Variants in MAML3 observed in about 807,000 individuals in gnomAD.
The protein encoded by MAML3 is mastermind-like protein 3.
A neutral mutation model predicts 101.9 loss-of-function variants in MAML3; 27 were observed. The ratio of observed to expected loss-of-function variants is 0.27; its 90% CI spans 0.20 to 0.37. The LOEUF (loss-of-function observed/expected upper bound fraction) is 0.37. Ranked by LOEUF, MAML3 falls within the 10% of genes least tolerant of loss-of-function variation. The pLI, the probability that MAML3 is intolerant of heterozygous loss-of-function variation, is 1.00. For missense variants in MAML3, 1,316 were observed against 1,444.9 expected (o/e 0.91, Z 1.45); for synonymous variants, 501 against 555.9 (o/e 0.90, Z 1.39).
In MAML3 at chr4:139,890,983, G is replaced by A; in HGVS notation, c.469-16C>T. 1 of 1,602,376 alleles carries A rather than the reference G, an allele frequency of 6.2e-7. No individual in the cohort carries two copies. Among genetic ancestry groups the A allele is most frequent in the Non-Finnish European group, 8.5e-7 (1 of 1,173,104 alleles). On this transcript the variant is annotated splice_polypyrimidine_tract_variant and intron_variant, in intron 1 of 4. Coordinates refer to ENST00000509479, the MANE Select transcript of MAML3 (RefSeq NM_018717.5). This position sits in a 1 kb window ranked among gnomAD's most constrained non-coding sequence, Gnocchi z 4.1. Reference sequence around the variant, plus strand: ...TCTCTTGTAGCTGGAAAAGAAACAGGAAAGAGGATGACTAAACCTCCAAGT... The same window carrying A: ...TCTCTTGTAGCTGGAAAAGAAACAGAAAAGAGGATGACTAAACCTCCAAGT...
intron 2 of MAML3, among the ~76,000 whole-genome samples, chr4:139,857,438 G>A (rs984789082): frequency 6.6e-6 from 1 of 151,688 alleles, no homozygotes; most frequent in Non-Finnish European, 1.5e-5. Context: ...TTTCTTCATT[G>A]GTGTATAATA....
At chr4:140,114,051 C>T (rs1728479516) in intron 1 of MAML3, among the ~76,000 whole-genome samples, 1 of 152,178 alleles carries the variant, frequency 6.6e-6, no homozygotes, top group African/African-American at 2.4e-5. Flanking sequence ...TAAAGTCCTT[C>T]CCATCTTCTC....
At chr4:139,761,106 G>A (rs1000002789) in intron 2 of MAML3, among the ~76,000 whole-genome samples, 17 of 152,050 alleles carry the variant, frequency 1.1e-4, no homozygotes, top group African/African-American at 1.7e-4. Flanking sequence ...TTACAGGCAC[G>A]CATCACCACA....
intron 1 of MAML3, among the ~76,000 whole-genome samples, chr4:139,948,873 A>G (rs761721317): frequency 2.6e-5 from 4 of 152,210 alleles, no homozygotes; most frequent in Non-Finnish European, 4.4e-5. Context: ...CACAGGTAAG[A>G]GAGGTAATAC....
chr4:140,097,400 G>A (rs1035716963), intron 1 of MAML3, among the ~76,000 whole-genome samples: 6 of 152,130 alleles, frequency 3.9e-5, no homozygotes, highest in African/African-American at 1.4e-4. Flanking sequence ...AGACGAAGCC[G>A]AGGTTTTGTT....
At chr4:139,835,168 G>C (rs1002245017) in intron 2 of MAML3, among the ~76,000 whole-genome samples, 1 of 152,206 alleles carries the variant, frequency 6.6e-6, no homozygotes, top group Non-Finnish European at 1.5e-5. Flanking sequence ...CTAAGAGCAG[G>C]GGCTGAAGAG....
rs772311062 is a variant in MAML3 at position 140,024,227 on chromosome 4, A to ATT, written c.468+128631_468+128632dup. The stretch of plus-strand genomic sequence containing the variant: ...AGAGTCAAGATGGATGGATTGATTG[A>ATT]TTTTTTTTTTTTTTTTTAGAGACAG... On this transcript the variant is annotated intron_variant, in intron 1 of 4. Transcript: ENST00000509479. Among the ~76,000 whole-genome samples, 502 of 140,086 alleles carry ATT rather than the reference A, an allele frequency of 3.6e-3. 1 individual carries two copies. The highest frequency in any genetic ancestry group is 0.012 in the African/African-American group (480 of 38,404). The allele number at this position is 140,086 out of a possible 152,430, so 91.9% of individuals were successfully genotyped here. A position where few individuals can be genotyped will look rare whatever the true frequency, so the allele number is the denominator to read the frequency against.
intron 1 of MAML3, among the ~76,000 whole-genome samples, chr4:139,941,764 A>G (rs1017928432): frequency 4.6e-5 from 7 of 152,180 alleles, no homozygotes. Context: ...CCGATGGTCT[A>G]ATATGCTCTT....
At chr4:139,922,810 GT>G (rs1186177697) in intron 1 of MAML3, among the ~76,000 whole-genome samples, 1 of 152,156 alleles carries the variant, frequency 6.6e-6, no homozygotes, top group Non-Finnish European at 1.5e-5. Context: ...CCAAATCCTT[GT>G]CTATTTCCTG....
chr4:139,809,786 C>T (rs1380670498), intron 2 of MAML3, among the ~76,000 whole-genome samples: 2 of 152,074 alleles, frequency 1.3e-5, no homozygotes, highest in African/African-American at 4.8e-5. Flanking sequence ...CTGACTCCCA[C>T]CTGGTTTGCT....
intron 1 of MAML3, among the ~76,000 whole-genome samples, chr4:139,968,593 A>G (rs557340114): frequency 1.3e-5 from 2 of 152,168 alleles, no homozygotes; most frequent in South Asian, 4.2e-4. Context: ...TTTCTGTATT[A>G]ATTTACTTAA....
intron 2 of MAML3, among the ~76,000 whole-genome samples, chr4:139,822,987 T>C (rs1731001114): frequency 6.6e-6 from 1 of 152,182 alleles, no homozygotes; most frequent in Non-Finnish European, 1.5e-5. Context: ...CAGCTGAAAT[T>C]GTAGAACACA....
intron 2 of MAML3, among the ~76,000 whole-genome samples, chr4:139,778,841 G>T (rs535203740): frequency 6.6e-6 from 1 of 152,124 alleles, no homozygotes; most frequent in South Asian, 2.1e-4. Context: ...AAATTAGCTG[G>T]GTGTGGTGGC....
intron 1 of MAML3, among the ~76,000 whole-genome samples, chr4:139,908,830 A>G (rs966875783): frequency 2.0e-5 from 3 of 152,212 alleles, no homozygotes; most frequent in African/African-American, 7.2e-5. Flanking sequence ...CTTAACTTCT[A>G]TCTGAGATTC....
intron 2 of MAML3, among the ~76,000 whole-genome samples, chr4:139,739,865 A>C (rs1275396112): frequency 7.2e-5 from 11 of 152,126 alleles, no homozygotes. Flanking sequence ...TATTTTTAAA[A>C]GCTTGTTAAG....
At chr4:139,881,987 C>T (rs1206668022) in intron 2 of MAML3, among the ~76,000 whole-genome samples, 1 of 152,110 alleles carries the variant, frequency 6.6e-6, no homozygotes, top group African/African-American at 2.4e-5. Context: ...AGCCACTGCT[C>T]CAGGCCTGGA....
chr4:139,866,914 C>A (rs1428289783), intron 2 of MAML3, among the ~76,000 whole-genome samples: 1 of 152,126 alleles, frequency 6.6e-6, no homozygotes, highest in Non-Finnish European at 1.5e-5. Flanking sequence ...CTTGCCTTTC[C>A]AATTAGAAAG....
chr4:139,999,027 T>C (rs754568715), intron 1 of MAML3, among the ~76,000 whole-genome samples: 9 of 152,194 alleles, frequency 5.9e-5, no homozygotes, highest in Non-Finnish European at 1.2e-4. Flanking sequence ...CATTTTCAAG[T>C]AGATATCAGC....
At chr4:139,792,237 T>C (rs1027480703) in intron 2 of MAML3, among the ~76,000 whole-genome samples, 2 of 152,216 alleles carry the variant, frequency 1.3e-5, no homozygotes, top group Non-Finnish European at 2.9e-5. Flanking sequence ...AAACTCATAG[T>C]AGATTAAATC....
Sources: gnomAD v4.1 joint callset for allele counts (sites outside exome capture counted in the v4.1 genomes callset) on GRCh38, gnomAD v4.1.1 for gene constraint, Gnocchi (gnomAD v3.1) non-coding constraint, MANE v1.5 for transcripts, NCBI Gene and HGNC (gene_info 2026-07-23, HGNC 2026-07-21) for gene names.